Variants in NPAS3 observed in about 807,000 individuals in gnomAD.
The protein encoded by NPAS3 is neuronal PAS domain protein 3, also known as neuronal PAS domain-containing protein 3.
A neutral mutation model predicts 73.1 loss-of-function variants in NPAS3; 14 were observed. The ratio of observed to expected loss-of-function variants is 0.19; its 90% CI spans 0.13 to 0.30. The LOEUF is 0.30. Ranked by LOEUF, NPAS3 falls within the 10% of genes least tolerant of loss-of-function variation. NPAS3 has a pLI of 1.00. For synonymous variants in NPAS3, 620 were observed against 541.5 expected (o/e 1.14, Z -2.01); for missense variants, 1,096 against 1,250.0 (o/e 0.88, Z 1.86).
chr14:33,373,384 A>ATG lies in NPAS3; in HGVS notation c.468+6117_468+6118insGT, dbSNP rs1322867449. Among the ~76,000 whole-genome samples the ATG allele has an allele frequency of 2.7e-4, 29 of 108,990 alleles. 2 individuals carry two copies. The Admixed American group carries it at 3.0e-3, about 11-fold the overall frequency. 71.5% of individuals were successfully genotyped at this position (108,990 alleles called of 152,430 possible). On this transcript the variant is annotated intron_variant, in intron 4 of 11. Coordinates refer to ENST00000356141, the Ensembl canonical transcript of NPAS3. ...CATTGTCAGCATATTATATTGAACT[A>ATG]TATGTGTGTGTGTGTGTGTGTGTGT...
chr14:33,262,089 G>T (rs1020547027), intron 3 of NPAS3, among the ~76,000 whole-genome samples: 1 of 152,164 alleles, frequency 6.6e-6, no homozygotes, highest in East Asian at 1.9e-4. Flanking sequence ...GTATTCCAAA[G>T]ATATAAGTAG....
At chr14:33,665,729 AAT>A (rs1285073750) in intron 5 of NPAS3, among the ~76,000 whole-genome samples, 1 of 152,204 alleles carries the variant, frequency 6.6e-6, no homozygotes, top group Non-Finnish European at 1.5e-5. Context: ...AAGATTTACA[AAT>A]AAATTCTTCC....
At chr14:33,657,251 C>G (rs2059169957) in intron 5 of NPAS3, among the ~76,000 whole-genome samples, 1 of 152,178 alleles carries the variant, frequency 6.6e-6, no homozygotes, top group Non-Finnish European at 1.5e-5. Flanking sequence ...GGTCTTTAGT[C>G]TGACATACAA....
rs201865601 is a variant in NPAS3, at chr14:33,544,881, GTATGTATA to G, written c.469-15236_469-15229del. ...ATATATAATATATATATGTATGTAT[GTATGTATA>G]TATTGTGGTATGTGTATATAGATCC... is the stretch of plus-strand genomic sequence containing the variant. On this transcript the variant is annotated intron_variant, in intron 4 of 11. Coordinates refer to ENST00000356141, the Ensembl canonical transcript of NPAS3. Among the ~76,000 whole-genome samples the G allele has an allele frequency of 8.1e-3, 1,092 of 134,094 alleles. 10 individuals carry two copies. Among genetic ancestry groups the G allele is most frequent in the Middle Eastern group, 0.038 (10 of 260 alleles). 88.0% of individuals were successfully genotyped at this position (134,094 alleles called of 152,430 possible). A position where few individuals can be genotyped will look rare whatever the true frequency, so the allele number is the denominator to read the frequency against.
At chr14:33,759,288 C>G (rs1283407630) in intron 7 of NPAS3, among the ~76,000 whole-genome samples, 1 of 152,220 alleles carries the variant, frequency 6.6e-6, no homozygotes, top group Non-Finnish European at 1.5e-5. Context: ...CCACAGTACT[C>G]TGCAGAAGTG....
chr14:33,520,698 G>C (rs567803345), intron 4 of NPAS3, among the ~76,000 whole-genome samples: 1 of 152,070 alleles, frequency 6.6e-6, no homozygotes, highest in South Asian at 2.1e-4. Flanking sequence ...GCAGTGCCCA[G>C]TAATCTCTAA....
At chr14:33,147,425 G>C (rs373131018) in intron 2 of NPAS3, among the ~76,000 whole-genome samples, 6 of 152,070 alleles carry the variant, frequency 3.9e-5, no homozygotes, top group African/African-American at 9.7e-5. Context: ...AATGATTAAT[G>C]ACAAACTTGC....
intron 4 of NPAS3, among the ~76,000 whole-genome samples, chr14:33,495,768 G>A (rs1278983015): frequency 2.0e-5 from 3 of 151,674 alleles, no homozygotes; most frequent in South Asian, 2.1e-4. Flanking sequence ...TTTGTTTAAC[G>A]TCTGTTTTAT....
chr14:33,385,278 C>T (rs144021718), intron 4 of NPAS3, among the ~76,000 whole-genome samples: 3 of 152,218 alleles, frequency 2.0e-5, no homozygotes, highest in East Asian at 1.9e-4. Flanking sequence ...CAGCTGTTCT[C>T]GTGCTGTGGA....
intron 3 of NPAS3, among the ~76,000 whole-genome samples, chr14:33,245,251 C>A (rs1055073578): frequency 1.3e-5 from 2 of 152,124 alleles, no homozygotes; most frequent in Non-Finnish European, 2.9e-5. Flanking sequence ...GATGATCAAC[C>A]TCATTGGAGA....
chr14:33,110,580 T>G (rs1039901153), intron 2 of NPAS3, among the ~76,000 whole-genome samples: 1 of 152,192 alleles, frequency 6.6e-6, no homozygotes, highest in Admixed American at 6.5e-5. Flanking sequence ...GAATATACTT[T>G]GGGAAATGCA....
intron 3 of NPAS3, among the ~76,000 whole-genome samples, chr14:33,319,962 A>G (rs942574509): frequency 1.3e-4 from 20 of 152,308 alleles, no homozygotes; most frequent in Non-Finnish European, 2.6e-4. Flanking sequence ...AAGCCAAACT[A>G]TGACCAATTC....
At chr14:33,624,367 C>T (rs2058164176) in intron 5 of NPAS3, among the ~76,000 whole-genome samples, 1 of 152,204 alleles carries the variant, frequency 6.6e-6, no homozygotes, top group South Asian at 2.1e-4. Flanking sequence ...GTTTAGGACA[C>T]AGGTTCCTAA....
intron 3 of NPAS3, among the ~76,000 whole-genome samples, chr14:33,265,957 T>A (rs1448395431): frequency 6.6e-6 from 1 of 151,408 alleles, no homozygotes; most frequent in African/African-American, 2.4e-5. Flanking sequence ...ATTGTATACT[T>A]ACATATGTAT....
chr14:33,634,819 G>A (rs2058471799), intron 5 of NPAS3, among the ~76,000 whole-genome samples: 1 of 152,312 alleles, frequency 6.6e-6, no homozygotes, highest in Admixed American at 6.5e-5. Flanking sequence ...ATTAGCCAAA[G>A]CCACAGGCAT....
intron 1 of NPAS3, among the ~76,000 whole-genome samples, chr14:33,014,853 C>T (rs1333176282): frequency 6.6e-6 from 1 of 152,202 alleles, no homozygotes; most frequent in East Asian, 1.9e-4. Context: ...ACCAGAGCTG[C>T]ACAGCAGGTG....
intron 3 of NPAS3, among the ~76,000 whole-genome samples, chr14:33,258,999 G>A (rs2048875938): frequency 6.6e-6 from 1 of 152,142 alleles, no homozygotes; most frequent in African/African-American, 2.4e-5. Flanking sequence ...ATTTTTAGTA[G>A]AGACGAGGTT....
chr14:33,423,971 T>C (rs1025571005), intron 4 of NPAS3, among the ~76,000 whole-genome samples: 5 of 152,046 alleles, frequency 3.3e-5, no homozygotes, highest in Non-Finnish European at 7.4e-5. Flanking sequence ...ATCTATCATG[T>C]GTCCAGCAAA....
chr14:33,746,660 C>A (rs1018265863), intron 7 of NPAS3, among the ~76,000 whole-genome samples: 1 of 152,086 alleles, frequency 6.6e-6, no homozygotes, highest in Non-Finnish European at 1.5e-5. Context: ...TTATCACTCT[C>A]ATTCTGCAAG....
Sources: allele counts gnomAD v4.1 joint callset (sites outside exome capture counted in the v4.1 genomes callset), GRCh38; gene constraint gnomAD v4.1.1; transcripts MANE v1.5; gene names NCBI Gene and HGNC (gene_info 2026-07-23, HGNC 2026-07-21).